NF2: variants seen among roughly 807,000 people sequenced by gnomAD.
NF2 encodes merlin.
NF2 carries 8 observed loss-of-function variants against 83.7 expected under a neutral mutation model. That is an observed-to-expected ratio of 0.10 (90% CI 0.06 to 0.17). NF2 has a LOEUF of 0.17. Ranked by LOEUF, NF2 falls within the 10% of genes least tolerant of loss-of-function variation. NF2 has a pLI of 1.00. For synonymous variants in NF2, 266 were observed against 269.6 expected, an observed-to-expected ratio of 0.99 and a Z score of 0.13; for missense variants, 533 against 744.4, an observed-to-expected ratio of 0.72 and a Z score of 3.31.
At chr22:29,683,291 A>G in intron 15 of NF2, 2 of 1,448,422 alleles carry the variant, frequency 1.4e-6, no homozygotes, top group Admixed American at 2.6e-5. Context: ...TCCGAAGAGC[A>G]TGTCATGGGG....
intron 15 of NF2, among the ~76,000 whole-genome samples, chr22:29,688,118 G>A (rs1032552332): frequency 6.6e-6 from 1 of 152,202 alleles, no homozygotes; most frequent in Admixed American, 6.5e-5. Flanking sequence ...TCTTCTAAAA[G>A]TCAACAAGCC....
Position 29,668,350 on chromosome 22 carries a change from C to T in NF2, c.903C>T (p.Ile301=), listed in dbSNP as rs199957176. Residue 301 remains isoleucine (I), a synonymous_variant, in exon 10 of 16, where the codon ATC becomes ATT. Coordinates refer to ENST00000338641, the MANE Select transcript of NF2 (RefSeq NM_000268.4). The part of the protein sequence containing the change: ...RVNKLILQLC[I]GNHDLFMRRR... The stretch of plus-strand genomic sequence containing the variant: ...GGCCACAGATTCTCCAGCTATGTAT[C>T]GGGAACCATGATCTATTTATGAGGA... 2.0e-5 allele frequency: 33 copies of T among 1,613,498 alleles called. No homozygotes were observed. Among genetic ancestry groups the T allele is most frequent in the East Asian group, 4.5e-5 (2 of 44,854 alleles).
chr22:29,625,082 G>A (rs1017224597), intron 1 of NF2, among the ~76,000 whole-genome samples: 2 of 151,858 alleles, frequency 1.3e-5, no homozygotes, highest in South Asian at 2.1e-4. Flanking sequence ...GGGACTACAG[G>A]CGTGCGCCAC....
chr22:29,627,423 T>C (rs952405337), intron 1 of NF2, among the ~76,000 whole-genome samples: 2 of 152,224 alleles, frequency 1.3e-5, no homozygotes, highest in East Asian at 1.9e-4. Context: ...TTTCATAGCA[T>C]GATGGTTGTA....
intron 9 of NF2, among the ~76,000 whole-genome samples, chr22:29,666,979 A>G (rs1174609656): frequency 6.6e-6 from 1 of 151,390 alleles, no homozygotes; most frequent in Non-Finnish European, 1.5e-5. Flanking sequence ...TTCGTCTCCA[A>G]AAAAAAAATA....
chr22:29,696,153 A>G lies in NF2; in HGVS notation c.*1351A>G. On this transcript the variant is annotated 3_prime_UTR_variant, in exon 16 of 16. Coordinates refer to ENST00000338641, the MANE Select transcript of NF2 (RefSeq NM_000268.4). The stretch of plus-strand genomic sequence containing the variant: ...TGGTGGCACAATCTCGGCTCACTGC[A>G]ACCTCCACCTCCTGAGTTCAAGCAA... 4.7e-6 allele frequency: 1 copy of G among 212,650 alleles called. No homozygotes were observed. The allele number at this position is 212,650 out of a possible 1,614,324, so 13.2% of individuals were successfully genotyped here. A position where few individuals can be genotyped will look rare whatever the true frequency, so the allele number is the denominator to read the frequency against.
At chr22:29,611,979 A>C (rs1205784448) in intron 1 of NF2, among the ~76,000 whole-genome samples, 1 of 152,202 alleles carries the variant, frequency 6.6e-6, no homozygotes, top group African/African-American at 2.4e-5. Context: ...TTATACTCTA[A>C]AAGCTGTAAA....
At chr22:29,665,544 G>A (rs2066596638) in intron 9 of NF2, among the ~76,000 whole-genome samples, 2 of 152,042 alleles carry the variant, frequency 1.3e-5, no homozygotes, top group African/African-American at 4.8e-5. Context: ...GCGCCCAGCC[G>A]ATGAGGAATT....
chr22:29,688,504 C>T (rs1569316256), intron 15 of NF2, among the ~76,000 whole-genome samples: 1 of 152,206 alleles, frequency 6.6e-6, no homozygotes, highest in Non-Finnish European at 1.5e-5. Flanking sequence ...TTGCTCAGAC[C>T]ACTCAGTAGA....
intron 4 of NF2, among the ~76,000 whole-genome samples, chr22:29,648,984 T>A (rs565500866): frequency 6.6e-6 from 1 of 152,362 alleles, no homozygotes; most frequent in East Asian, 1.9e-4. Flanking sequence ...TTTAGGTTTG[T>A]TTTTCTTTCT....
intron 1 of NF2, among the ~76,000 whole-genome samples, chr22:29,617,361 G>A (rs1230552541): frequency 6.6e-6 from 1 of 152,140 alleles, no homozygotes; most frequent in Non-Finnish European, 1.5e-5. Flanking sequence ...TTCAACCCTG[G>A]CACTATTGAC....
intron 1 of NF2, among the ~76,000 whole-genome samples, chr22:29,613,990 C>T (rs1162566533): frequency 3.3e-5 from 5 of 151,012 alleles, no homozygotes; most frequent in African/African-American, 9.7e-5. Flanking sequence ...AACTCCTGAC[C>T]TCGTGATCCA....
Position 29,678,269 on chromosome 22 carries a change from T to C in NF2, c.1520T>C (p.Phe507Ser). 6.2e-7 allele frequency: 1 copy of C among 1,614,126 alleles called. No individual in the cohort carries two copies. ...AACCTCATTGGTGACAGCCTGTCTT[T>C]CGACTTCAAAGATACTGACATGAAG... ...SFNLIGDSLS[F>S]DFKDTDMKRL... The change falls in exon 14 of 16, where the codon TTC becomes TCC. Residue 507 changes from phenylalanine (F) to serine (S), a missense_variant. Transcript: ENST00000338641.
chr22:29,687,116 C>T (rs962017140), intron 15 of NF2, among the ~76,000 whole-genome samples: 11 of 152,204 alleles, frequency 7.2e-5, no homozygotes, highest in Non-Finnish European at 2.9e-5. Context: ...GTTTCAGTCT[C>T]CCGATCCTGA....
chr22:29,661,288 G>A lies in NF2; in HGVS notation c.759G>A (p.Lys253=), dbSNP rs760272926. ...ACCCTGAGAACAGACTGACCCCCAAGATCTCCTTCCCGTGGAATGAAATCC... is the reference window on the plus strand; with the variant it reads ...ACCCTGAGAACAGACTGACCCCCAAAATCTCCTTCCCGTGGAATGAAATCC... ...IYDPENRLTP[K]ISFPWNEIRN... is the part of the protein sequence containing the mutation. The change falls in exon 8 of 16, where the codon AAG becomes AAA. Residue 253 remains lysine, a synonymous_variant. Coordinates refer to ENST00000338641, the MANE Select transcript of NF2 (RefSeq NM_000268.4). 8 of 1,614,232 alleles carry A rather than the reference G, an allele frequency of 5.0e-6. No individual in the cohort carries two copies. The highest frequency in any genetic ancestry group is 1.7e-5 in the Admixed American group (1 of 60,028).
intron 10 of NF2, 59 bp from the exon 11 acceptor site, chr22:29,671,767 G>A (rs1271660005): frequency 6.2e-7 from 1 of 1,611,152 alleles, no homozygotes; most frequent in Non-Finnish European, 8.5e-7. Flanking sequence ...TTGGGCCCTT[G>A]TGGCACCCTA....
At position 29,603,939 on chromosome 22, in the gene NF2, G is replaced by T; in HGVS notation, c.-60G>T. The T allele has an allele frequency of 7.5e-7, 1 of 1,340,590 alleles. No homozygotes were observed. The highest frequency in any genetic ancestry group is 2.0e-5 in the Admixed American group (1 of 50,462). The allele number at this position is 1,340,590 out of a possible 1,614,324, so 83.0% of individuals were successfully genotyped here. A position where few individuals can be genotyped will look rare whatever the true frequency, so the allele number is the denominator to read the frequency against. ...AGGCCTGTGCAGCAACTCCAGGGGG[G>T]CTAAAGGGCTCAGAGTGCAGGCCGT... is the stretch of plus-strand genomic sequence containing the variant. On this transcript the variant is annotated 5_prime_UTR_variant, in exon 1 of 16. Coordinates refer to ENST00000338641, the MANE Select transcript of NF2 (RefSeq NM_000268.4).
intron 1 of NF2, among the ~76,000 whole-genome samples, chr22:29,613,053 G>T (rs539890622): frequency 6.6e-6 from 1 of 151,482 alleles, no homozygotes; most frequent in Admixed American, 6.6e-5. Flanking sequence ...GAGATCACGC[G>T]CCACTGCACT....
rs549522020 is a variant in NF2 at position 29,688,774 on chromosome 22, T to G, written c.1738-5978T>G. Among the ~76,000 whole-genome samples the G allele has an allele frequency of 2.1e-4, 32 of 152,310 alleles. No individual in the cohort carries two copies. In the South Asian group the frequency reaches 6.6e-3, roughly 32 times the overall value. On this transcript the variant is annotated intron_variant, in intron 15 of 15. Transcript: ENST00000338641. ...AACAAATTGGATTTGTTCATTGGGGTGGACTTGGCCTTTCGTTCCACCTCT... is the reference window on the plus strand; with the variant it reads ...AACAAATTGGATTTGTTCATTGGGGGGGACTTGGCCTTTCGTTCCACCTCT...
Sources: gnomAD v4.1 joint callset for allele counts (sites outside exome capture counted in the v4.1 genomes callset) on GRCh38, gnomAD v4.1.1 for gene constraint, MANE v1.5 for transcripts, NCBI Gene and HGNC (gene_info 2026-07-23, HGNC 2026-07-21) for gene names.